Variants in RBBP6 observed in about 807,000 individuals in gnomAD.
RBBP6 encodes RB binding protein 6, ubiquitin ligase.
RBBP6 carries 25 observed loss-of-function variants against 167.7 expected under a neutral mutation model. The observed-to-expected ratio is 0.15, with a 90% CI of 0.11 to 0.21. The LOEUF (loss-of-function observed/expected upper bound fraction) is 0.21. Among genes scored for constraint, RBBP6 ranks in the 10% least tolerant of loss-of-function variants. RBBP6 has a pLI of 1.00. For missense variants in RBBP6, 1,868 were observed against 2,134.2 expected, an observed-to-expected ratio of 0.88 and a Z score of 2.46; for synonymous variants, 789 against 735.8, an observed-to-expected ratio of 1.07 and a Z score of -1.17.
chr16:24,556,036 T>G (rs1480019761), intron 6 of RBBP6, 119 bp downstream of exon 6: 3 of 993,272 alleles, frequency 3.0e-6, no homozygotes, highest in Non-Finnish European at 4.4e-6. Flanking sequence ...ATGAGCATGG[T>G]CTCTGGAGCC....
intron 11 of RBBP6, 33 bp downstream of exon 11, chr16:24,563,328 T>C (rs1255912055): frequency 1.3e-6 from 2 of 1,585,206 alleles, no homozygotes. Flanking sequence ...TTTGGGATTT[T>C]TTTTACAGCA....
chr16:24,555,277 A>G (rs1898887246), intron 4 of RBBP6: 1 of 174,884 alleles, frequency 5.7e-6, no homozygotes, highest in South Asian at 1.5e-4. Context: ...TAATGCTCTG[A>G]CACTTGAATT....
At chr16:24,544,884 C>A (rs1414090920) in intron 1 of RBBP6, among the ~76,000 whole-genome samples, 1 of 152,130 alleles carries the variant, frequency 6.6e-6, no homozygotes, top group Non-Finnish European at 1.5e-5. Context: ...ATTCCTCTTT[C>A]TTCTTCATTT....
intron 7 of RBBP6, among the ~76,000 whole-genome samples, chr16:24,558,913 A>G (rs1417519180): frequency 6.6e-6 from 1 of 152,122 alleles, no homozygotes; most frequent in Non-Finnish European, 1.5e-5. Flanking sequence ...GGGTTTTGGT[A>G]TCTCATTTTA....
chr16:24,550,732 T>G (rs1174814249), intron 3 of RBBP6, among the ~76,000 whole-genome samples: 1 of 151,732 alleles, frequency 6.6e-6, no homozygotes, highest in Non-Finnish European at 1.5e-5. Context: ...GTTTCTCTTT[T>G]CTTTTCTTTT....
Position 24,568,900 on chromosome 16 carries a change from G to T in RBBP6, c.2210G>T (p.Gly737Val), listed in dbSNP as rs377116782. The T allele has an allele frequency of 9.3e-6, 15 of 1,614,180 alleles. No homozygotes were observed. Among genetic ancestry groups the T allele is most frequent in the East Asian group, 4.5e-5 (2 of 44,876 alleles). ...YSRSPPYPRR[G>V]RGKSRNYRSR... The stretch of plus-strand genomic sequence containing the variant: ...CGGTCACCTCCATACCCCAGAAGAG[G>T]CAGAGGCAAGAGCCGCAATTACCGT... The change falls in exon 17 of 18, where the codon GGC becomes GTC. Residue 737 changes from glycine to valine, a missense_variant. Coordinates refer to ENST00000319715, the MANE Select transcript of RBBP6 (RefSeq NM_006910.5).
rs1190712929 is a variant in RBBP6 at position 24,561,724 on chromosome 16, CTGTA to C, written c.951+11_951+14del. On this transcript the variant is annotated intron_variant, in intron 9 of 17. Transcript: ENST00000319715. ...ATAAATTTTTACGACAGGTAACTGT[CTGTA>C]TCCATTTTATGAAAAAATTCTTTTT... 3 of 1,611,668 alleles carry C rather than the reference CTGTA, an allele frequency of 1.9e-6. No homozygotes were observed. The African/African-American group carries it at 4.0e-5, about 22-fold the overall frequency.
intron 10 of RBBP6, among the ~76,000 whole-genome samples, chr16:24,562,609 G>A (rs1267830127): frequency 1.3e-5 from 2 of 150,478 alleles, no homozygotes; most frequent in Admixed American, 1.3e-4. Context: ...TTATGTAGGA[G>A]AATAGTGAAA....
chr16:24,570,789 TTTAAG>T, intron 17 of RBBP6, 82 bp from the exon 18 acceptor site: 1 of 1,123,460 alleles, frequency 8.9e-7, no homozygotes. Context: ...GACATTTGTG[TTTAAG>T]TTAGCATTTT....
At chr16:24,567,055 G>A in intron 14 of RBBP6, 88 bp from the exon 15 acceptor site, 1 of 1,379,418 alleles carries the variant, frequency 7.2e-7, no homozygotes, top group Non-Finnish European at 9.8e-7. Flanking sequence ...TTTTAAGTTT[G>A]AAAATAATTA....
At position 24,556,530 on chromosome 16, in the gene RBBP6, G is replaced by A. The variant is rs1223530511; in HGVS notation, c.674+83G>A. 25 of 1,417,392 alleles carry A rather than the reference G, an allele frequency of 1.8e-5. 1 individual carries two copies. In the Admixed American group the frequency reaches 5.7e-4, roughly 32 times the overall value. 87.8% of individuals were successfully genotyped at this position (1,417,392 alleles called of 1,614,324 possible). Reference sequence around the variant, plus strand: ...GTTTTAATCTTGGGCTTGTAACTTTGCTACTTGGATTCCTTGAGAACTTTG... The same window carrying A: ...GTTTTAATCTTGGGCTTGTAACTTTACTACTTGGATTCCTTGAGAACTTTG... On this transcript the variant is annotated intron_variant, in intron 7 of 17. Transcript: ENST00000319715.
At chr16:24,551,301 CT>C (rs969316334) in intron 3 of RBBP6, among the ~76,000 whole-genome samples, 3 of 151,590 alleles carry the variant, frequency 2.0e-5, no homozygotes, top group Non-Finnish European at 4.4e-5. Context: ...AAGTGGCAGA[CT>C]TTTTTTTACC....
chr16:24,542,382 T>G (rs1898522073), intron 1 of RBBP6, among the ~76,000 whole-genome samples: 1 of 152,150 alleles, frequency 6.6e-6, no homozygotes, highest in South Asian at 2.1e-4. Context: ...GTTTCATATT[T>G]TACTGGAGTA....
rs568537467 is a variant in RBBP6, at chr16:24,545,808, T to C, written c.167-355T>C. Among the ~76,000 whole-genome samples the C allele has an allele frequency of 4.7e-4, 71 of 152,342 alleles. 1 individual carries two copies. Among genetic ancestry groups the C allele is most frequent in the African/African-American group, 1.7e-3 (70 of 41,580 alleles). On this transcript the variant is annotated intron_variant, in intron 1 of 17. Transcript: ENST00000319715. ...CAGGGATTGTAATACTCAACTAACG[T>C]TTAGGGACTAGGAGAGACAGAATAT...
rs577844349 is a variant in RBBP6 at position 24,545,113 on chromosome 16, C to CT, written c.167-1049dup. The stretch of plus-strand genomic sequence containing the variant: ...TCTTTTTTTGAGACAGAGTCTTGCT[C>CT]TGTCACCAGGCTGGAGTGCAGTGGC... On this transcript the variant is annotated intron_variant, in intron 1 of 17. Transcript: ENST00000319715. Among the ~76,000 whole-genome samples, 1,116 of 152,286 alleles carry CT rather than the reference C, an allele frequency of 7.3e-3. 11 individuals carry two copies. Among genetic ancestry groups the CT allele is most frequent in the Non-Finnish European group, 8.7e-3 (589 of 68,026 alleles).
chr16:24,567,690 AT>A, intron 15 of RBBP6, 101 bp from the exon 16 acceptor site: 1 of 1,284,316 alleles, frequency 7.8e-7, no homozygotes, highest in Non-Finnish European at 1.1e-6. Flanking sequence ...TGGAAAACTA[AT>A]GGCAATTTCA....
In RBBP6 at chr16:24,567,133, AT is replaced by A; in HGVS notation, c.1590-5del. 1.9e-6 allele frequency: 3 copies of A among 1,602,168 alleles called. No individual in the cohort carries two copies. Among genetic ancestry groups the A allele is most frequent in the South Asian group, 2.2e-5 (2 of 90,588 alleles). Reference sequence around the variant, plus strand: ...TTGAAGAAGTAATATCTTGGAATTTATTTTTCCAGAAGTATAAACCGTGGGC... The same window carrying A: ...TTGAAGAAGTAATATCTTGGAATTTATTTTCCAGAAGTATAAACCGTGGGC... On this transcript the variant is annotated splice_polypyrimidine_tract_variant and intron_variant, in intron 14 of 17. Transcript: ENST00000319715.
At chr16:24,557,709 AT>A (rs72141460) in intron 7 of RBBP6, among the ~76,000 whole-genome samples, 41,389 of 152,038 alleles carry the variant, frequency 0.27, 5,699 homozygotes, top group Admixed American at 0.34. Context: ...AATTTACAGA[AT>A]TAGGTGTTCA....
chr16:24,566,218 T>C (rs1899191448), intron 14 of RBBP6, among the ~76,000 whole-genome samples: 1 of 152,254 alleles, frequency 6.6e-6, no homozygotes, highest in South Asian at 2.1e-4. Context: ...ACTGTTGCTG[T>C]TGTGTACCAA....
Sources: gnomAD v4.1 joint callset for allele counts (sites outside exome capture counted in the v4.1 genomes callset) on GRCh38, gnomAD v4.1.1 for gene constraint, MANE v1.5 for transcripts, NCBI Gene and HGNC (gene_info 2026-07-23, HGNC 2026-07-21) for gene names.